ADCY2: variants seen among roughly 807,000 people sequenced by gnomAD.
The protein encoded by ADCY2 is adenylate cyclase type 2.
In ADCY2, 31 loss-of-function variants were observed where a neutral mutation model predicts 125.2. The ratio of observed to expected loss-of-function variants is 0.25; its 90% CI spans 0.19 to 0.33. The LOEUF is 0.33. Ranked by LOEUF, ADCY2 falls within the 10% of genes least tolerant of loss-of-function variation. The pLI is 1.00. For missense variants in ADCY2, 904 were observed against 1,418.2 expected (o/e 0.64, Z 5.82); for synonymous variants, 512 against 548.4 (o/e 0.93, Z 0.93).
At chr5:7,668,252 T>C (rs1739823441) in intron 4 of ADCY2, among the ~76,000 whole-genome samples, 1 of 152,234 alleles carries the variant, frequency 6.6e-6, no homozygotes. Context: ...GATTACCCTC[T>C]ATAATGCGGG....
rs79462570 is a variant in ADCY2, at chr5:7,654,887, C to G, written c.720+28571C>G. On this transcript the variant is annotated intron_variant, in intron 4 of 24. Coordinates refer to ENST00000338316, the MANE Select transcript of ADCY2 (RefSeq NM_020546.3). ...CCGAGATCTTGGGACCTGGAAATCC[C>G]TGTTTAGGGGAAAAAATGCAAATAA... 8.2e-3 allele frequency among the ~76,000 whole-genome samples: 1,246 copies of G among 152,306 alleles called. 20 individuals are homozygous for G. The highest frequency in any genetic ancestry group is 0.028 in the African/African-American group (1,183 of 41,562).
At chr5:7,767,407 T>C (rs1205274475) in intron 17 of ADCY2, among the ~76,000 whole-genome samples, 1 of 151,884 alleles carries the variant, frequency 6.6e-6, no homozygotes, top group African/African-American at 2.4e-5. Context: ...CATAAATCGT[T>C]TGTGGAAAAA....
chr5:7,483,389 T>A (rs1742808375), intron 2 of ADCY2, among the ~76,000 whole-genome samples: 1 of 151,902 alleles, frequency 6.6e-6, no homozygotes, highest in African/African-American at 2.4e-5. Flanking sequence ...TGCTAGCCTT[T>A]CAGTGATGAT....
intron 14 of ADCY2, among the ~76,000 whole-genome samples, chr5:7,740,358 A>T (rs1002705416): frequency 6.6e-6 from 1 of 152,054 alleles, no homozygotes; most frequent in Non-Finnish European, 1.5e-5. Flanking sequence ...GAAAGTGTTA[A>T]AATGTTCAAA....
intron 16 of ADCY2, among the ~76,000 whole-genome samples, chr5:7,761,150 T>TTTTC (rs1560959475): frequency 8.2e-6 from 1 of 121,870 alleles, no homozygotes; most frequent in Non-Finnish European, 1.7e-5. Context: ...TTTCTTTTCT[T>TTTTC]TTTTTTTTTT....
chr5:7,455,284 T>C lies in ADCY2; in HGVS notation c.408+40514T>C, dbSNP rs1350426787. ...TGTTAGTAAAGAGAGGCTAGACTTA[T>C]GCTGCTGTGTGAAAACACAAGTTAG... On this transcript the variant is annotated intron_variant, in intron 2 of 24. Coordinates refer to ENST00000338316, the MANE Select transcript of ADCY2 (RefSeq NM_020546.3). Among the ~76,000 whole-genome samples, 7 of 152,328 alleles carry C rather than the reference T, an allele frequency of 4.6e-5. No individual in the cohort carries two copies. The East Asian group carries it at 7.7e-4, about 17-fold the overall frequency.
In ADCY2 at chr5:7,769,810, G is replaced by T. The variant is rs1009470679; in HGVS notation, c.2214+3004G>T. Among the ~76,000 whole-genome samples, 11 of 152,172 alleles carry T rather than the reference G, an allele frequency of 7.2e-5. No homozygotes were observed. In the East Asian group the frequency reaches 2.1e-3, roughly 29 times the overall value. Reference sequence around the variant, plus strand: ...ACTTTAGTGTTGATAAATTACTCCCGATAATGGTGGCTGTTACCTTACTGT... The same window carrying T: ...ACTTTAGTGTTGATAAATTACTCCCTATAATGGTGGCTGTTACCTTACTGT... On this transcript the variant is annotated intron_variant, in intron 17 of 24. Coordinates refer to ENST00000338316, the MANE Select transcript of ADCY2 (RefSeq NM_020546.3).
At chr5:7,593,535 G>C (rs760366197) in intron 3 of ADCY2, among the ~76,000 whole-genome samples, 4 of 151,868 alleles carry the variant, frequency 2.6e-5, no homozygotes, top group Non-Finnish European at 4.4e-5. Flanking sequence ...ATGGAGCGTA[G>C]GAGAAAGAAG....
intron 4 of ADCY2, among the ~76,000 whole-genome samples, chr5:7,689,476 C>T (rs1331477683): frequency 6.6e-6 from 1 of 152,186 alleles, no homozygotes; most frequent in African/African-American, 2.4e-5. Flanking sequence ...CTGAGCTTCC[C>T]CTATGAGCAC....
chr5:7,513,106 C>CACACACACACAGAGAG (rs777343291), intron 2 of ADCY2, among the ~76,000 whole-genome samples: 2 of 138,432 alleles, frequency 1.4e-5, no homozygotes, highest in Admixed American at 1.5e-4. Flanking sequence ...CACACACACA[C>CACACACACACAGAGAG]AGAGAGAGAG....
intron 4 of ADCY2, 48 bp downstream of exon 4, chr5:7,626,364 A>G: frequency 1.3e-6 from 2 of 1,590,480 alleles, no homozygotes; most frequent in East Asian, 4.5e-5. Context: ...TCATTATTAA[A>G]ATGATGCTGT....
intron 2 of ADCY2, among the ~76,000 whole-genome samples, chr5:7,516,713 G>A (rs189558494): frequency 1.3e-5 from 2 of 152,288 alleles, no homozygotes; most frequent in Admixed American, 1.3e-4. Context: ...ATGGTTACCC[G>A]AGGCTTGGAG....
At chr5:7,815,075 GCTT>G (rs1287771100) in intron 22 of ADCY2, among the ~76,000 whole-genome samples, 1 of 152,164 alleles carries the variant, frequency 6.6e-6, no homozygotes, top group African/African-American at 2.4e-5. Context: ...CTGGGTGCGT[GCTT>G]CTCGAATGCA....
intron 1 of ADCY2, among the ~76,000 whole-genome samples, chr5:7,408,105 C>T (rs923641497): frequency 7.9e-5 from 12 of 151,670 alleles, no homozygotes; most frequent in African/African-American, 2.7e-4. Context: ...CTCCTGACCT[C>T]GTGATCTGCT....
chr5:7,411,050 C>T (rs931625522), intron 1 of ADCY2, among the ~76,000 whole-genome samples: 1 of 152,132 alleles, frequency 6.6e-6, no homozygotes, highest in African/African-American at 2.4e-5. Flanking sequence ...AAGACTGTGG[C>T]CTGTAAGCTC....
chr5:7,601,411 A>G (rs1737196673), intron 3 of ADCY2, among the ~76,000 whole-genome samples: 1 of 152,242 alleles, frequency 6.6e-6, no homozygotes, highest in African/African-American at 2.4e-5. Flanking sequence ...AGTCAGTTAA[A>G]GGGACATTTG....
At chr5:7,585,202 C>A (rs1736589166) in intron 3 of ADCY2, among the ~76,000 whole-genome samples, 1 of 152,066 alleles carries the variant, frequency 6.6e-6, no homozygotes, top group African/African-American at 2.4e-5. Flanking sequence ...TTCTACGTGG[C>A]AATTTCAATT....
chr5:7,627,878 G>A (rs1738186457), intron 4 of ADCY2, among the ~76,000 whole-genome samples: 1 of 152,076 alleles, frequency 6.6e-6, no homozygotes, highest in South Asian at 2.1e-4. Context: ...CCTTTGCATT[G>A]GTATGATTAG....
chr5:7,830,015 G>C lies in ADCY2; in HGVS notation c.*3144G>C, dbSNP rs914722355. The C allele has an allele frequency of 2.6e-5, 4 of 152,162 alleles. No individual in the cohort carries two copies. Among genetic ancestry groups the C allele is most frequent in the African/African-American group, 9.7e-5 (4 of 41,406 alleles). 9.4% of individuals were successfully genotyped at this position (152,162 alleles called of 1,614,324 possible). ...GGATCACTTGAGCCCAGGAAGTCCA[G>C]AACGTAGTGAGCCTTGATTATACCA... On this transcript the variant is annotated 3_prime_UTR_variant, in exon 25 of 25. Transcript: ENST00000338316.
Sources: allele counts gnomAD v4.1 joint callset (sites outside exome capture counted in the v4.1 genomes callset), GRCh38; gene constraint gnomAD v4.1.1; transcripts MANE v1.5; gene names NCBI Gene and HGNC (gene_info 2026-07-23, HGNC 2026-07-21).